The following KIRREL3 variants were observed in gnomAD, a reference collection of about 807,000 sequenced individuals.
KIRREL3 encodes kirre like nephrin family adhesion molecule 3, also known as kin of IRRE-like protein 3.
A neutral mutation model predicts 89.7 loss-of-function variants in KIRREL3; 36 were observed. The ratio of observed to expected loss-of-function variants is 0.40; its 90% CI spans 0.31 to 0.53. KIRREL3 has a LOEUF of 0.53. Ranked by LOEUF, KIRREL3 falls within the 20% of genes least tolerant of loss-of-function variation. KIRREL3 has a pLI of 0.49. For missense variants in KIRREL3, 864 were observed against 1,056.6 expected, an observed-to-expected ratio of 0.82 and a Z score of 2.53; for synonymous variants, 445 against 441.4, an observed-to-expected ratio of 1.01 and a Z score of -0.10.
chr11:126,942,072 C>T (rs1488906717), intron 1 of KIRREL3, among the ~76,000 whole-genome samples: 2 of 152,112 alleles, frequency 1.3e-5, no homozygotes, highest in Non-Finnish European at 2.9e-5. Context: ...GTTTTCCAGG[C>T]TTTGGCCAAA....
rs1949403795 is a variant in KIRREL3 at position 126,970,573 on chromosome 11, AT to A, written c.55+29881del. On this transcript the variant is annotated intron_variant, in intron 1 of 16. Coordinates refer to ENST00000525144, the MANE Select transcript of KIRREL3 (RefSeq NM_032531.4). The surrounding 1 kb of genome is among the most constrained non-coding windows in gnomAD (Gnocchi z 4.4). Reference sequence around the variant, plus strand: ...GTATATTGTCATCTAAGGAAATCTGATTTTTATTAAGTATCAAATCACAGAA... The same window carrying A: ...GTATATTGTCATCTAAGGAAATCTGATTTTATTAAGTATCAAATCACAGAA... Among the ~76,000 whole-genome samples the A allele has an allele frequency of 6.6e-6, 1 of 152,196 alleles. No homozygotes were observed. Among genetic ancestry groups the A allele is most frequent in the African/African-American group, 2.4e-5 (1 of 41,424 alleles).
rs1199943814 is a variant in KIRREL3, at chr11:126,655,231, A to G, written c.56-92319T>C. On this transcript the variant is annotated intron_variant, in intron 1 of 16. Transcript: ENST00000525144. The surrounding 1 kb of genome is among the most constrained non-coding windows in gnomAD (Gnocchi z 5.0). ...ACTTGAGTCAGGATAATTTTTCCTG[A>G]TGTCAAAGCCTCACCCAGGAGAGCT... 6.6e-6 allele frequency among the ~76,000 whole-genome samples: 1 copy of G among 152,222 alleles called. No homozygotes were observed. The highest frequency in any genetic ancestry group is 1.5e-5 in the Non-Finnish European group (1 of 68,024).
chr11:126,542,309 C>T (rs759859445), intron 2 of KIRREL3, among the ~76,000 whole-genome samples: 11 of 152,134 alleles, frequency 7.2e-5, no homozygotes, highest in Admixed American at 2.0e-4. Context: ...CTTGGGGCAA[C>T]GTCCTGGGTT....
intron 1 of KIRREL3, among the ~76,000 whole-genome samples, chr11:126,926,588 C>G (rs1947724347): frequency 6.6e-6 from 1 of 152,060 alleles, no homozygotes; most frequent in Admixed American, 6.5e-5. Flanking sequence ...AAGCCTCTCA[C>G]CAGCACCCTT....
intron 1 of KIRREL3, among the ~76,000 whole-genome samples, chr11:126,861,824 T>G (rs2134618651): frequency 6.6e-6 from 1 of 152,206 alleles, no homozygotes; most frequent in Middle Eastern, 3.4e-3. Flanking sequence ...GGATAGTCCT[T>G]GAGGTGTGGA....
intron 1 of KIRREL3, among the ~76,000 whole-genome samples, chr11:126,757,264 C>A (rs1949534255): frequency 6.6e-6 from 1 of 150,920 alleles, no homozygotes; most frequent in African/African-American, 2.4e-5. Context: ...GAGCACTTGG[C>A]TTTGAGATGA....
intron 1 of KIRREL3, among the ~76,000 whole-genome samples, chr11:126,567,696 GAGAGA>G (rs1940616595): frequency 6.6e-6 from 1 of 152,226 alleles, no homozygotes; most frequent in Non-Finnish European, 1.5e-5. Context: ...GGAAGGTGGG[GAGAGA>G]AGGCTGGTTA....
chr11:126,591,956 T>A (rs1002858391), intron 1 of KIRREL3, among the ~76,000 whole-genome samples: 2 of 152,106 alleles, frequency 1.3e-5, no homozygotes, highest in Non-Finnish European at 2.9e-5. Flanking sequence ...AGGCCTCTCA[T>A]AGGGCCAACA....
rs181001170 is a variant in KIRREL3 at position 126,812,098 on chromosome 11, A to G, written c.55+188357T>C. On this transcript the variant is annotated intron_variant, in intron 1 of 16. Coordinates refer to ENST00000525144, the MANE Select transcript of KIRREL3 (RefSeq NM_032531.4). This position sits in a 1 kb window ranked among gnomAD's most constrained non-coding sequence, Gnocchi z 5.2. ...ATATGCATAAGAACAATTTATCCTG[A>G]TGACCAGATATAATAGATTCTGTTC... Among the ~76,000 whole-genome samples, 16 of 152,278 alleles carry G rather than the reference A, an allele frequency of 1.1e-4. No homozygotes were observed. Among genetic ancestry groups the G allele is most frequent in the Admixed American group, 1.0e-3 (16 of 15,300 alleles).
rs752805 is a variant in KIRREL3, at chr11:126,423,390, A to T, written c.*1190T>A. The T allele has an allele frequency of 0.58, 87,676 of 151,956 alleles. 25,842 individuals carry two copies. Among genetic ancestry groups the T allele is most frequent in the East Asian group, 0.89 (4,620 of 5,170 alleles). 9.4% of individuals were successfully genotyped at this position (151,956 alleles called of 1,614,324 possible). A position where few individuals can be genotyped will look rare whatever the true frequency, so the allele number is the denominator to read the frequency against. On this transcript the variant is annotated 3_prime_UTR_variant, in exon 17 of 17. Transcript: ENST00000525144. ...TATCAACTGCCTTTATTGTCTAGGA[A>T]GATTGAATCAAAGGAGGGCAGAGAA...
In KIRREL3 at chr11:126,764,788, G is replaced by A. The variant is rs768335573; in HGVS notation, c.56-201876C>T. On this transcript the variant is annotated intron_variant, in intron 1 of 16. Transcript: ENST00000525144. The surrounding 1 kb of genome is among the most constrained non-coding windows in gnomAD (Gnocchi z 4.2). Reference sequence around the variant, plus strand: ...TGTAAGCCTCCGGGGCCATATAAACGCGGCTATTTTCACAGTCCAACTTCA... The same window carrying A: ...TGTAAGCCTCCGGGGCCATATAAACACGGCTATTTTCACAGTCCAACTTCA... 5.9e-5 allele frequency among the ~76,000 whole-genome samples: 9 copies of A among 152,098 alleles called. No individual in the cohort carries two copies. Among genetic ancestry groups the A allele is most frequent in the Non-Finnish European group, 1.0e-4 (7 of 68,036 alleles).
At chr11:126,451,194 T>G (rs1049340691) in intron 7 of KIRREL3, among the ~76,000 whole-genome samples, 3 of 150,018 alleles carry the variant, frequency 2.0e-5, no homozygotes, top group Non-Finnish European at 3.0e-5. Context: ...TGTGGCCGTG[T>G]GTGTGCATGT....
chr11:126,717,306 T>C (rs551525650), intron 1 of KIRREL3, among the ~76,000 whole-genome samples: 1 of 152,248 alleles, frequency 6.6e-6, no homozygotes, highest in African/African-American at 2.4e-5. Context: ...GGCTGTCATG[T>C]TATTTAATGA....
chr11:126,821,329 G>GTACATATATATATATATATATATA (rs1943210231), intron 1 of KIRREL3, among the ~76,000 whole-genome samples: 1 of 103,490 alleles, frequency 9.7e-6, no homozygotes, highest in African/African-American at 5.0e-5. Context: ...GATAAACACA[G>GTACATATATATATATATATATATA]TATATATATA....
At position 126,551,890 on chromosome 11, in the gene KIRREL3, C is replaced by T. The variant is rs953998632; in HGVS notation, c.133+10945G>A. On this transcript the variant is annotated intron_variant, in intron 2 of 16. Transcript: ENST00000525144. This position sits in a 1 kb window ranked among gnomAD's most constrained non-coding sequence, Gnocchi z 4.9. ...TGAACTCCTGACCTCAGGTGATCCA[C>T]CCGCCTTGGCCTCCCAAAGTGCTGG... Among the ~76,000 whole-genome samples the T allele has an allele frequency of 6.6e-6, 1 of 152,224 alleles. No individual in the cohort carries two copies. The highest frequency in any genetic ancestry group is 1.5e-5 in the Non-Finnish European group (1 of 68,042).
At chr11:126,945,120 G>C (rs1419230663) in intron 1 of KIRREL3, 1 of 152,182 alleles carries the variant, frequency 6.6e-6, no homozygotes, top group Non-Finnish European at 1.5e-5. Context: ...ATTATGCTTC[G>C]CTTTAGGTTT....
intron 1 of KIRREL3, among the ~76,000 whole-genome samples, chr11:126,725,445 C>T (rs895616716): frequency 2.0e-5 from 3 of 152,212 alleles, no homozygotes; most frequent in Non-Finnish European, 4.4e-5. Context: ...TGCTAACACC[C>T]GCATGGGCAT....
rs1946582660 is a variant in KIRREL3 at position 126,684,233 on chromosome 11, G to A, written c.56-121321C>T. 6.6e-6 allele frequency among the ~76,000 whole-genome samples: 1 copy of A among 152,228 alleles called. No homozygotes were observed. Among genetic ancestry groups the A allele is most frequent in the Non-Finnish European group, 1.5e-5 (1 of 68,040 alleles). On this transcript the variant is annotated intron_variant, in intron 1 of 16. Transcript: ENST00000525144. The surrounding 1 kb of genome is among the most constrained non-coding windows in gnomAD (Gnocchi z 4.2). ...TGGAGGCTGCAGACTCTGCCTCTGT[G>A]CCCGTTCTGGGAAAGCCCCTGGGCT...
At chr11:126,887,871 C>T (rs1945760092) in intron 1 of KIRREL3, among the ~76,000 whole-genome samples, 1 of 152,126 alleles carries the variant, frequency 6.6e-6, no homozygotes, top group African/African-American at 2.4e-5. Context: ...ACCTGTCTCC[C>T]TGGGGATGGA....
Sources: gnomAD v4.1 joint callset for allele counts (sites outside exome capture counted in the v4.1 genomes callset) on GRCh38, gnomAD v4.1.1 for gene constraint, Gnocchi (gnomAD v3.1) non-coding constraint, MANE v1.5 for transcripts, NCBI Gene and HGNC (gene_info 2026-07-23, HGNC 2026-07-21) for gene names.